SNTG2: variants seen among roughly 807,000 people sequenced by gnomAD.
SNTG2 encodes the protein syntrophin gamma 2, also known as gamma-2-syntrophin.
Under a neutral mutation model 70.9 loss-of-function variants are expected in SNTG2, and 74 were observed. That is an observed-to-expected ratio of 1.04 (90% CI 0.86 to 1.27). SNTG2 has a LOEUF of 1.27. SNTG2 is among the 50% of genes most tolerant of loss of function. SNTG2 has a pLI of 0.00. For missense variants in SNTG2, 717 were observed against 690.7 expected, an observed-to-expected ratio of 1.04 and a Z score of -0.43; for synonymous variants, 278 against 273.8, an observed-to-expected ratio of 1.02 and a Z score of -0.15.
At chr2:1,338,782 T>C (rs908039177) in intron 16 of SNTG2, among the ~76,000 whole-genome samples, 1 of 152,224 alleles carries the variant, frequency 6.6e-6, no homozygotes, top group Non-Finnish European at 1.5e-5. Flanking sequence ...ATGAGCACTC[T>C]GGGTTATTTC....
intron 1 of SNTG2, among the ~76,000 whole-genome samples, chr2:975,264 C>T (rs1157012422): frequency 6.6e-6 from 1 of 151,918 alleles, no homozygotes; most frequent in African/African-American, 2.4e-5. Context: ...CACTCACACC[C>T]ATGAGCAAAC....
intron 9 of SNTG2, among the ~76,000 whole-genome samples, chr2:1,225,722 G>A (rs984477879): frequency 6.6e-6 from 1 of 152,194 alleles, no homozygotes; most frequent in African/African-American, 2.4e-5. Context: ...GCACCGTCTG[G>A]ACTAAGAAAT....
intron 1 of SNTG2, among the ~76,000 whole-genome samples, chr2:1,050,141 T>G (rs544218038): frequency 9.2e-5 from 14 of 152,348 alleles, no homozygotes; most frequent in African/African-American, 3.4e-4. Flanking sequence ...TCTGTCACTC[T>G]ATGGGTTCCC....
At chr2:1,043,544 T>G (rs190605278) in intron 1 of SNTG2, among the ~76,000 whole-genome samples, 1 of 150,710 alleles carries the variant, frequency 6.6e-6, no homozygotes, top group African/African-American at 2.4e-5. Flanking sequence ...TTTTTATAGT[T>G]TTTTTTACAT....
intron 9 of SNTG2, among the ~76,000 whole-genome samples, chr2:1,233,300 G>A (rs1435209713): frequency 1.3e-5 from 2 of 152,120 alleles, no homozygotes; most frequent in African/African-American, 2.4e-5. Flanking sequence ...CAGGGGTCTC[G>A]GTTTGGGGCT....
intron 1 of SNTG2, among the ~76,000 whole-genome samples, chr2:1,077,887 A>T (rs4078139): frequency 0.18 from 27,937 of 151,906 alleles, 3,087 homozygotes; most frequent in Middle Eastern, 0.27. Flanking sequence ...TTTTTTCTCC[A>T]GGGATGTCAT....
At chr2:975,194 C>T (rs1479621746) in intron 1 of SNTG2, among the ~76,000 whole-genome samples, 1 of 152,078 alleles carries the variant, frequency 6.6e-6, no homozygotes, top group Non-Finnish European at 1.5e-5. Context: ...CTTGCACTCA[C>T]ACCCCTGAGC....
intron 1 of SNTG2, among the ~76,000 whole-genome samples, chr2:1,027,486 A>G (rs1023723215): frequency 9.3e-5 from 14 of 149,832 alleles, no homozygotes; most frequent in Non-Finnish European, 1.9e-4. Flanking sequence ...GTAAAGAGAT[A>G]AGCAGGTGCA....
intron 1 of SNTG2, among the ~76,000 whole-genome samples, chr2:958,436 T>C (rs1228023831): frequency 6.6e-6 from 1 of 152,222 alleles, no homozygotes; most frequent in African/African-American, 2.4e-5. Flanking sequence ...GTTGAGATCA[T>C]GCAGAGTACT....
intron 13 of SNTG2, among the ~76,000 whole-genome samples, chr2:1,266,751 CTTT>C (rs59679083): frequency 2.8e-5 from 3 of 107,752 alleles, no homozygotes; most frequent in African/African-American, 1.1e-4. Flanking sequence ...TCATCTTTAT[CTTT>C]TTTTTTTTTT....
intron 13 of SNTG2, among the ~76,000 whole-genome samples, chr2:1,261,278 C>T (rs1678400734): frequency 2.6e-5 from 4 of 152,140 alleles, no homozygotes; most frequent in Non-Finnish European, 5.9e-5. Context: ...TAAATGCATT[C>T]AGTTCATTTT....
intron 16 of SNTG2, among the ~76,000 whole-genome samples, chr2:1,327,941 G>C (rs1350552613): frequency 6.6e-6 from 1 of 152,178 alleles, no homozygotes; most frequent in Non-Finnish European, 1.5e-5. Context: ...CTTAGTTTAT[G>C]CTTCTGCATG....
chr2:1,073,840 AG>A (rs1663738202), intron 1 of SNTG2, among the ~76,000 whole-genome samples: 1 of 152,254 alleles, frequency 6.6e-6, no homozygotes, highest in African/African-American at 2.4e-5. Flanking sequence ...ATTAACAAAT[AG>A]TTAAATGGTT....
At chr2:972,799 C>G (rs1660785732) in intron 1 of SNTG2, among the ~76,000 whole-genome samples, 1 of 152,180 alleles carries the variant, frequency 6.6e-6, no homozygotes, top group Non-Finnish European at 1.5e-5. Flanking sequence ...ACTTTGTCTT[C>G]CACCATGATT....
rs184431657 is a variant in SNTG2, at chr2:1,099,292, G to A, written c.325+882G>A. On this transcript the variant is annotated intron_variant, in intron 4 of 16. Coordinates refer to ENST00000308624, the MANE Select transcript of SNTG2 (RefSeq NM_018968.4). ...CTGCAGGGGAACAGGAAGCAAGACA[G>A]AGTGGGCAAGCGGGTGGCCTTATGA... 6.6e-5 allele frequency among the ~76,000 whole-genome samples: 10 copies of A among 152,276 alleles called. No homozygotes were observed. In the East Asian group the frequency reaches 1.7e-3, roughly 27 times the overall value.
At chr2:1,313,877 T>C (rs537607356) in intron 15 of SNTG2, among the ~76,000 whole-genome samples, 35 of 152,322 alleles carry the variant, frequency 2.3e-4, no homozygotes, top group African/African-American at 7.9e-4. Flanking sequence ...ATTTTAAGCA[T>C]ATATACTGGA....
chr2:981,624 C>A (rs1178389178), intron 1 of SNTG2, among the ~76,000 whole-genome samples: 1 of 152,108 alleles, frequency 6.6e-6, no homozygotes, highest in Non-Finnish European at 1.5e-5. Flanking sequence ...TATGCATATA[C>A]ACACAGGTGC....
At chr2:1,335,708 A>G (rs1572997660) in intron 16 of SNTG2, among the ~76,000 whole-genome samples, 1 of 152,212 alleles carries the variant, frequency 6.6e-6, no homozygotes, top group East Asian at 1.9e-4. Context: ...TTGAACACCG[A>G]GAAACCACGT....
intron 11 of SNTG2, among the ~76,000 whole-genome samples, chr2:1,241,425 C>T (rs1677037197): frequency 6.6e-6 from 1 of 152,148 alleles, no homozygotes; most frequent in Non-Finnish European, 1.5e-5. Context: ...AATTACTCCT[C>T]ATGTTGGAAA....
Sources: gnomAD v4.1 joint callset for allele counts (sites outside exome capture counted in the v4.1 genomes callset) on GRCh38, gnomAD v4.1.1 for gene constraint, MANE v1.5 for transcripts, NCBI Gene and HGNC (gene_info 2026-07-23, HGNC 2026-07-21) for gene names.